FCRL5: variants seen among roughly 807,000 people sequenced by gnomAD.
FCRL5 encodes the protein Fc receptor like 5.
FCRL5 carries 79 observed loss-of-function variants against 92.1 expected under a neutral mutation model. The observed-to-expected ratio is 0.86, with a 90% CI of 0.72 to 1.03. The LOEUF (loss-of-function observed/expected upper bound fraction) is 1.03. Ranked by LOEUF, FCRL5 falls within the 50% of genes least tolerant of loss-of-function variation. The pLI, the probability that FCRL5 is intolerant of heterozygous loss-of-function variation, is 0.00. For synonymous variants in FCRL5, 466 were observed against 469.3 expected, an observed-to-expected ratio of 0.99 and a Z score of 0.09; for missense variants, 1,160 against 1,181.1, an observed-to-expected ratio of 0.98 and a Z score of 0.26.
Position 157,547,025 on chromosome 1 carries a change from A to T in FCRL5, c.225T>A (p.Leu75=). ...TGTACTCTCCAGATTCCTGAACCTC[A>T]AGGATATTGTCTGGGGTTTCTCTTA... is the stretch of plus-strand genomic sequence containing the variant. ...EILRETPDNI[L]EVQESGEYRC... Residue 75 remains leucine, a synonymous_variant, in exon 3 of 17, where the codon CTT becomes CTA. Transcript: ENST00000361835. 6.2e-7 allele frequency: 1 copy of T among 1,614,096 alleles called. No individual in the cohort carries two copies. Among genetic ancestry groups the T allele is most frequent in the Non-Finnish European group, 8.5e-7 (1 of 1,179,982 alleles).
rs1002164471 is a variant in FCRL5, at chr1:157,515,603, C to G, written c.*72G>C. On this transcript the variant is annotated 3_prime_UTR_variant, in exon 17 of 17. Coordinates refer to ENST00000361835, the MANE Select transcript of FCRL5 (RefSeq NM_031281.3). ...TGGGGCAGCCTAAATCTTCCCACTT[C>G]AATGCTGCTTCTCCCCCAAGGGGAA... 42 of 1,613,570 alleles carry G rather than the reference C, an allele frequency of 2.6e-5. No individual in the cohort carries two copies. Among genetic ancestry groups the G allele is most frequent in the Non-Finnish European group, 3.6e-5 (42 of 1,180,002 alleles).
intron 8 of FCRL5, among the ~76,000 whole-genome samples, chr1:157,529,355 T>G (rs2101613877): frequency 6.6e-6 from 1 of 152,316 alleles, no homozygotes; most frequent in East Asian, 1.9e-4. Flanking sequence ...GGTGGGAATG[T>G]AAACTATTAC....
rs1183177815 is a variant in FCRL5 at position 157,514,729 on chromosome 1, T to TGTGAGAAGCCCTTCC, written c.*931_*945dup. ...CAGGTGATCCACAAGCACATGAAAGTGTGAGAAGCCCTTCCTCTTGCTGAA... is the reference window on the plus strand; with the variant it reads ...CAGGTGATCCACAAGCACATGAAAGTGTGAGAAGCCCTTCCGTGAGAAGCCCTTCCTCTTGCTGAA... On this transcript the variant is annotated 3_prime_UTR_variant, in exon 17 of 17. Transcript: ENST00000361835. 6.6e-6 allele frequency: 1 copy of TGTGAGAAGCCCTTCC among 152,260 alleles called. No homozygotes were observed. Among genetic ancestry groups the TGTGAGAAGCCCTTCC allele is most frequent in the Non-Finnish European group, 1.5e-5 (1 of 68,064 alleles). 9.4% of individuals were successfully genotyped at this position (152,260 alleles called of 1,614,324 possible).
Position 157,524,480 on chromosome 1 carries a change from A to T in FCRL5, c.2038T>A (p.Cys680Ser), listed in dbSNP as rs1216855461. Residue 680 changes from cysteine to serine, a missense_variant, in exon 10 of 17, where the codon TGT becomes AGT. Transcript: ENST00000361835. Reference sequence around the variant, plus strand: ...GGGGAGGAGCCTCTCAGGGCCTCACAGTGAAGCTCCAGCAGGTCCCCCACC... The same window carrying T: ...GGGGAGGAGCCTCTCAGGGCCTCACTGTGAAGCTCCAGCAGGTCCCCCACC... ...AVVGDLLELH[C>S]EALRGSSPIL... 2.5e-6 allele frequency: 4 copies of T among 1,614,092 alleles called. No homozygotes were observed. In the African/African-American group the frequency reaches 5.3e-5, roughly 22 times the overall value.
In FCRL5 at chr1:157,527,616, C is replaced by A. The variant is rs145731616; in HGVS notation, c.1960+1G>T. The stretch of plus-strand genomic sequence containing the variant: ...TTGTGCTGCTGGTTAGGTCAACTTA[C>A]CTATAACACTGAGTGATATTGTGTC... On this transcript the variant is annotated splice_donor_variant, in intron 9 of 16. Coordinates refer to ENST00000361835, the MANE Select transcript of FCRL5 (RefSeq NM_031281.3). LOFTEE classifies it high-confidence loss of function. The A allele has an allele frequency of 9.4e-6, 15 of 1,597,110 alleles. No homozygotes were observed. The African/African-American group carries it at 2.0e-4, about 21-fold the overall frequency.
intron 2 of FCRL5, 125 bp downstream of exon 2, chr1:157,549,435 T>TA (rs940704573): frequency 2.4e-4 from 208 of 882,344 alleles, no homozygotes; most frequent in Middle Eastern, 1.4e-3. Flanking sequence ...TAAAGTATAA[T>TA]AAAAAAAAGG....
chr1:157,535,503 C>T (rs1396834819), intron 7 of FCRL5, among the ~76,000 whole-genome samples: 7 of 152,144 alleles, frequency 4.6e-5, no homozygotes, highest in Middle Eastern at 3.2e-3. Flanking sequence ...GAAGAAGTGA[C>T]CTACATTTAT....
At chr1:157,520,341 C>T (rs1278908379) in intron 12 of FCRL5, 90 bp downstream of exon 12, 1 of 898,376 alleles carries the variant, frequency 1.1e-6, no homozygotes, top group Non-Finnish European at 1.8e-6. Context: ...TCTTGCGAGC[C>T]TGGGATGGTC....
Position 157,547,123 on chromosome 1 carries a change from T to C in FCRL5, c.127A>G (p.Thr43Ala), listed in dbSNP as rs147248413. ...GAGTAGAAGCGAAATCCCTTGCAAGTGAGGGTCACTCTCTCTCCTTGGAAG... is the reference window on the plus strand; with the variant it reads ...GAGTAGAAGCGAAATCCCTTGCAAGCGAGGGTCACTCTCTCTCCTTGGAAG... ...TVFQGERVTL[T>A]CKGFRFYSPQ... The change falls in exon 3 of 17, where the codon ACT becomes GCT. Residue 43 changes from threonine (T) to alanine (A), a missense_variant. By Grantham distance (58) the Thr-to-Ala change is moderately conservative. Coordinates refer to ENST00000361835, the MANE Select transcript of FCRL5 (RefSeq NM_031281.3). 80 of 1,614,040 alleles carry C rather than the reference T, an allele frequency of 5.0e-5. No homozygotes were observed. In the African/African-American group the frequency reaches 9.9e-4, roughly 20 times the overall value.
chr1:157,526,340 A>G (rs1650426884), intron 9 of FCRL5, among the ~76,000 whole-genome samples: 1 of 152,200 alleles, frequency 6.6e-6, no homozygotes, highest in Non-Finnish European at 1.5e-5. Context: ...GGAAAAACCT[A>G]GTAGATTAGA....
chr1:157,531,492 C>T (rs964450165), intron 8 of FCRL5, among the ~76,000 whole-genome samples: 3 of 152,138 alleles, frequency 2.0e-5, no homozygotes, highest in Non-Finnish European at 2.9e-5. Context: ...GAAATAAAGT[C>T]GCTATGTTAA....
At position 157,524,313 on chromosome 1, in the gene FCRL5, G is replaced by A; in HGVS notation, c.2205C>T (p.Ala735=). ...TCAGTGTCACCATCTCACTGCGCTG[G>A]GCCTCCAGACCATTGTCTGCCTCAC... is the stretch of plus-strand genomic sequence containing the variant. ...YSCEADNGLE[A]QRSEMVTLKV... The change falls in exon 10 of 17, where the codon GCC becomes GCT. Residue 735 remains alanine, a synonymous_variant. Coordinates refer to ENST00000361835, the MANE Select transcript of FCRL5 (RefSeq NM_031281.3). The A allele has an allele frequency of 6.2e-7, 1 of 1,614,232 alleles. No individual in the cohort carries two copies.
intron 9 of FCRL5, among the ~76,000 whole-genome samples, chr1:157,526,896 T>C (rs1388783069): frequency 1.3e-5 from 2 of 152,100 alleles, no homozygotes; most frequent in Non-Finnish European, 2.9e-5. Context: ...AGTGTATGTA[T>C]GTGGGAGTGG....
chr1:157,534,387 A>T (rs1650837476), intron 8 of FCRL5: 6 of 719,212 alleles, frequency 8.3e-6, no homozygotes, highest in Non-Finnish European at 1.5e-5. Context: ...AATACAATAA[A>T]TAAATTCATT....
intron 3 of FCRL5, 117 bp downstream of exon 3, chr1:157,546,826 C>T: frequency 7.9e-7 from 1 of 1,268,648 alleles, no homozygotes; most frequent in Non-Finnish European, 1.1e-6. Context: ...TGTCTTACCA[C>T]AGTGTGAAAT....
Position 157,543,034 on chromosome 1 carries a change from G to A in FCRL5, c.948C>T (p.Arg316=), listed in dbSNP as rs369049686. ...LHCETQEDSL[R]TLYRFYHEGV... Reference sequence around the variant, plus strand: ...CCTCATGATAAAACCTGTACAAAGTGCGCAGAGAATCTTCCTGGGTTTCAC... The same window carrying A: ...CCTCATGATAAAACCTGTACAAAGTACGCAGAGAATCTTCCTGGGTTTCAC... Residue 316 remains arginine, a synonymous_variant, in exon 6 of 17, where the codon CGC becomes CGT. Coordinates refer to ENST00000361835, the MANE Select transcript of FCRL5 (RefSeq NM_031281.3). The A allele has an allele frequency of 1.2e-6, 2 of 1,614,114 alleles. No individual in the cohort carries two copies. Among genetic ancestry groups the A allele is most frequent in the African/African-American group, 2.7e-5 (2 of 74,948 alleles).
At chr1:157,535,325 C>T (rs1003082504) in intron 7 of FCRL5, among the ~76,000 whole-genome samples, 18 of 152,244 alleles carry the variant, frequency 1.2e-4, no homozygotes, top group African/African-American at 4.3e-4. Context: ...ACATCTGCCT[C>T]TGTCCTAGAC....
At position 157,534,602 on chromosome 1, in the gene FCRL5, C is replaced by T. The variant is rs778534707; in HGVS notation, c.1681+12G>A. 1 of 1,614,128 alleles carries T rather than the reference C, an allele frequency of 6.2e-7. No individual in the cohort carries two copies. On this transcript the variant is annotated intron_variant, in intron 8 of 16. Coordinates refer to ENST00000361835, the MANE Select transcript of FCRL5 (RefSeq NM_031281.3). ...GCCAGGGGTGGGTGACTGGCAAGAA[C>T]CCAGCACTTACCAGTGACAAAAAGG...
chr1:157,546,450 AAAACC>A (rs60618941), intron 3 of FCRL5, among the ~76,000 whole-genome samples: 45,986 of 144,918 alleles, frequency 0.32, 7,322 homozygotes, highest in Middle Eastern at 0.44. Flanking sequence ...TCCATCTCAA[AAAACC>A]AAACCAAACC....
Sources: gnomAD v4.1 joint callset for allele counts (sites outside exome capture counted in the v4.1 genomes callset) on GRCh38, gnomAD v4.1.1 for gene constraint, MANE v1.5 for transcripts, NCBI Gene and HGNC (gene_info 2026-07-23, HGNC 2026-07-21) for gene names.